Variants in PTPRCAP observed in about 807,000 individuals in gnomAD.
PTPRCAP encodes the protein protein tyrosine phosphatase receptor type C-associated protein.
For synonymous variants in PTPRCAP, 136 were observed against 135.8 expected (o/e 1.00, Z -0.01); for missense variants, 294 against 285.5 (o/e 1.03, Z -0.22).
chr11:67,436,701 T>A, intron 1 of PTPRCAP: 1 of 258,624 alleles, frequency 3.9e-6, no homozygotes, highest in Non-Finnish European at 7.4e-6. Context: ...TTCACCCCAG[T>A]GAGGCTGAAC....
intron 1 of PTPRCAP, chr11:67,436,618 T>C (rs981532284): frequency 1.8e-5 from 7 of 381,456 alleles, no homozygotes; most frequent in East Asian, 1.2e-4. Context: ...GGCTGTTCCC[T>C]CTGCCCGGAA....
intron 1 of PTPRCAP, 30 bp downstream of exon 1, chr11:67,437,587 C>A: frequency 7.4e-7 from 1 of 1,347,170 alleles, no homozygotes; most frequent in Non-Finnish European, 9.6e-7. Context: ...TGGCCCCCAT[C>A]CCAAGAACCC....
At chr11:67,436,760 A>G in intron 1 of PTPRCAP, 1 of 180,554 alleles carries the variant, frequency 5.5e-6, no homozygotes, top group South Asian at 1.9e-4. Flanking sequence ...CCACCCCAGC[A>G]CCCCCCAGCA....
At position 67,435,598 on chromosome 11, in the gene PTPRCAP, C is replaced by T. The variant is rs186747836; in HGVS notation, c.*135G>A. On this transcript the variant is annotated 3_prime_UTR_variant, in exon 2 of 2. Coordinates refer to ENST00000326294, the MANE Select transcript of PTPRCAP (RefSeq NM_005608.3). The stretch of plus-strand genomic sequence containing the variant: ...CCGTGGTGAGCGGGGTACACATGGA[C>T]TTGGGAACTGGTAGGGGGTGACAGT... 2.2e-6 allele frequency: 3 copies of T among 1,360,652 alleles called. No homozygotes were observed. Among genetic ancestry groups the T allele is most frequent in the South Asian group, 1.5e-5 (1 of 67,970 alleles). The allele number at this position is 1,360,652 out of a possible 1,614,324, so 84.3% of individuals were successfully genotyped here.
chr11:67,437,500 G>C, intron 1 of PTPRCAP, 117 bp downstream of exon 1: 1 of 1,192,560 alleles, frequency 8.4e-7, no homozygotes, highest in Non-Finnish European at 1.1e-6. Flanking sequence ...CTCCTCTTAG[G>C]TCTCACCTCT....
In PTPRCAP at chr11:67,435,808, G is replaced by T; in HGVS notation, c.546C>A (p.Ala182=). Residue 182 remains alanine (A), a synonymous_variant, in exon 2 of 2, where the codon GCC becomes GCA. Transcript: ENST00000326294. ...SAEALLSDLH[A]FAGSAAWDDS... is the part of the protein sequence containing the mutation. Reference sequence around the variant, plus strand: ...CATCCCAGGCTGCGCTGCCAGCAAAGGCGTGCAGGTCACTCAGCAGGGCCT... The same window carrying T: ...CATCCCAGGCTGCGCTGCCAGCAAATGCGTGCAGGTCACTCAGCAGGGCCT... 6.2e-7 allele frequency: 1 copy of T among 1,600,470 alleles called. No individual in the cohort carries two copies.
rs1209242015 is a variant in PTPRCAP at position 67,435,933 on chromosome 11, C to G, written c.421G>C (p.Glu141Gln). The change falls in exon 2 of 2, where the codon GAG becomes CAG. Residue 141 changes from glutamate to glutamine, a missense_variant. Coordinates refer to ENST00000326294, the MANE Select transcript of PTPRCAP (RefSeq NM_005608.3). Reference sequence around the variant, plus strand: ...TCCTCAGCCCGCACGGGGACCTGCTCTGGGCTGGACGCCTCTCCACATTGC... The same window carrying G: ...TCCTCAGCCCGCACGGGGACCTGCTGTGGGCTGGACGCCTCTCCACATTGC... ...EQQCGEASSP[E>Q]QVPVRAEEAR... The G allele has an allele frequency of 2.5e-6, 4 of 1,613,244 alleles. No individual in the cohort carries two copies. Among genetic ancestry groups the G allele is most frequent in the Non-Finnish European group, 3.4e-6 (4 of 1,179,878 alleles).
At chr11:67,437,473 G>A (rs1390975710) in intron 1 of PTPRCAP, 144 bp downstream of exon 1, 1 of 1,017,530 alleles carries the variant, frequency 9.8e-7, no homozygotes, top group Non-Finnish European at 1.3e-6. Context: ...TGAGAGAAAG[G>A]TTCAGCCTCT....
Position 67,435,851 on chromosome 11 carries a change from C to A in PTPRCAP, c.503G>T (p.Ser168Ile). 6.2e-7 allele frequency: 1 copy of A among 1,609,892 alleles called. No homozygotes were observed. Among genetic ancestry groups the A allele is most frequent in the Non-Finnish European group, 8.5e-7 (1 of 1,179,320 alleles). Residue 168 changes from serine to isoleucine, a missense_variant, in exon 2 of 2, where the codon AGC becomes ATC. By Grantham distance (142) the Ser-to-Ile change is moderately radical (BLOSUM62 -2). Transcript: ENST00000326294. ...CAGGGCCTCAGCACTGCCCCCTGCGCTCGCTGGTCCTGGGGAGCCGAGGAC... is the reference window on the plus strand; with the variant it reads ...CAGGGCCTCAGCACTGCCCCCTGCGATCGCTGGTCCTGGGGAGCCGAGGAC... ...DLVLGSPGPA[S>I]AGGSAEALLS... is the part of the protein sequence containing the mutation.
rs3741183 is a variant in PTPRCAP at position 67,435,561 on chromosome 11, G to T, written c.*172C>A. 4 of 989,802 alleles carry T rather than the reference G, an allele frequency of 4.0e-6. No individual in the cohort carries two copies. The highest frequency in any genetic ancestry group is 5.7e-6 in the Non-Finnish European group (4 of 701,058). The allele number at this position is 989,802 out of a possible 1,614,324, so 61.3% of individuals were successfully genotyped here. Reference sequence around the variant, plus strand: ...ATGGTTGCCTGATGCCTGTGGTTGGGGGGGGCCGTTCCCGTGGTGAGCGGG... The same window carrying T: ...ATGGTTGCCTGATGCCTGTGGTTGGTGGGGGCCGTTCCCGTGGTGAGCGGG... On this transcript the variant is annotated 3_prime_UTR_variant, in exon 2 of 2. Transcript: ENST00000326294.
Position 67,436,052 on chromosome 11 carries a change from T to A in PTPRCAP, c.302A>T (p.Asp101Val). The A allele has an allele frequency of 2.5e-6, 4 of 1,613,436 alleles. No individual in the cohort carries two copies. Among genetic ancestry groups the A allele is most frequent in the Non-Finnish European group, 3.4e-6 (4 of 1,179,834 alleles). The change falls in exon 2 of 2, where the codon GAC becomes GTC. Residue 101 changes from aspartate to valine, a missense_variant. Transcript: ENST00000326294. Reference protein sequence around the residue: ...LQARAELGSTDNDLERQEDEQ... With the variant: ...LQARAELGSTVNDLERQEDEQ... Reference sequence around the variant, plus strand: ...ATCCTCCTGTCGCTCAAGGTCATTGTCTGTGGACCCCAGCTCAGCTCGGGC... The same window carrying A: ...ATCCTCCTGTCGCTCAAGGTCATTGACTGTGGACCCCAGCTCAGCTCGGGC...
At chr11:67,436,764 C>T (rs1223217219) in intron 1 of PTPRCAP, 1 of 184,520 alleles carries the variant, frequency 5.4e-6, no homozygotes, top group Admixed American at 5.9e-5. Context: ...CCCAGCACCC[C>T]CCAGCACTCA....
intron 1 of PTPRCAP, chr11:67,436,791 A>C: frequency 1.2e-5 from 2 of 168,428 alleles, no homozygotes; most frequent in Non-Finnish European, 2.5e-5. Context: ...TTTTCCTTCC[A>C]TGTCACCTAA....
rs777140520 is a variant in PTPRCAP, at chr11:67,436,258, G to C, written c.96C>G (p.Ser32Arg). 2.6e-6 allele frequency: 4 copies of C among 1,545,030 alleles called. No homozygotes were observed. The South Asian group carries it at 3.6e-5, about 14-fold the overall frequency. ...GCAGCAGCAGGACAACGGTGACAGA[G>C]CTGGAGCCCACGCTGTCCTCCGCGC... ...GGSAEDSVGSSSVTVVLLLLL... is the reference protein window; with the variant it reads ...GGSAEDSVGSRSVTVVLLLLL... Residue 32 changes from serine to arginine, a missense_variant, in exon 2 of 2, where the codon AGC becomes AGG. Transcript: ENST00000326294.
At chr11:67,436,560 A>C in intron 1 of PTPRCAP, 1 of 475,014 alleles carries the variant, frequency 2.1e-6, no homozygotes, top group South Asian at 5.8e-5. Flanking sequence ...CCTACCACTC[A>C]CCTCCCCCAA....
chr11:67,437,509 C>T, intron 1 of PTPRCAP, 108 bp downstream of exon 1: 3 of 1,253,842 alleles, frequency 2.4e-6, no homozygotes, highest in Non-Finnish European at 3.1e-6. Flanking sequence ...GGTCTCACCT[C>T]TTCCCTGGGG....
Position 67,436,298 on chromosome 11 carries a change from A to C in PTPRCAP, c.56T>G (p.Leu19Trp). ...LGMLLALPGA[L>W]GSGGSAEDSV... Reference sequence around the variant, plus strand: ...GTCCTCCGCGCTGCCACCCGAGCCCAAGGCCCCTGGCAGGGCCAGCAGCAT... The same window carrying C: ...GTCCTCCGCGCTGCCACCCGAGCCCCAGGCCCCTGGCAGGGCCAGCAGCAT... Residue 19 changes from leucine to tryptophan, a missense_variant, in exon 2 of 2, where the codon TTG becomes TGG. Coordinates refer to ENST00000326294, the MANE Select transcript of PTPRCAP (RefSeq NM_005608.3). 3 of 1,529,952 alleles carry C rather than the reference A, an allele frequency of 2.0e-6. No homozygotes were observed. Among genetic ancestry groups the C allele is most frequent in the Non-Finnish European group, 2.6e-6 (3 of 1,141,772 alleles). The allele number at this position is 1,529,952 out of a possible 1,614,324, so 94.8% of individuals were successfully genotyped here. A position where few individuals can be genotyped will look rare whatever the true frequency, so the allele number is the denominator to read the frequency against.
Position 67,437,664 on chromosome 11 carries a change from G to A in PTPRCAP, c.-45C>T. ...TGCCGGGCACCCACCTCCAGCTCTG[G>A]CTGTGTCGAGCGAGAAGTGAGCTCA... On this transcript the variant is annotated 5_prime_UTR_variant, in exon 1 of 2. Coordinates refer to ENST00000326294, the MANE Select transcript of PTPRCAP (RefSeq NM_005608.3). The A allele has an allele frequency of 7.4e-7, 1 of 1,353,062 alleles. No individual in the cohort carries two copies. Among genetic ancestry groups the A allele is most frequent in the Non-Finnish European group, 9.6e-7 (1 of 1,043,558 alleles). The allele number at this position is 1,353,062 out of a possible 1,614,324, so 83.8% of individuals were successfully genotyped here.
chr11:67,437,548 G>A, intron 1 of PTPRCAP, 69 bp downstream of exon 1: 1 of 1,328,172 alleles, frequency 7.5e-7, no homozygotes, highest in Admixed American at 3.0e-5. Flanking sequence ...TAGCTCCACA[G>A]GCCCAGACAT....
Sources: allele counts gnomAD v4.1 joint callset, GRCh38; gene constraint gnomAD v4.1.1; transcripts MANE v1.5; gene names NCBI Gene and HGNC (gene_info 2026-07-23, HGNC 2026-07-21).